Variants in ACY3 observed in about 807,000 individuals in gnomAD.
The protein encoded by ACY3 is N-acyl-aromatic-L-amino acid amidohydrolase (carboxylate-forming).
ACY3 carries 20 observed loss-of-function variants against 24.6 expected under a neutral mutation model. The ratio of observed to expected loss-of-function variants is 0.81; its 90% CI spans 0.57 to 1.18. ACY3 has a LOEUF of 1.18. Among genes scored for constraint, ACY3 ranks in the 50% most tolerant of loss-of-function variants. The pLI is 0.00. For missense variants in ACY3, 423 were observed against 426.8 expected, an observed-to-expected ratio of 0.99 and a Z score of 0.08; for synonymous variants, 174 against 188.4, an observed-to-expected ratio of 0.92 and a Z score of 0.62.
intron 3 of ACY3, among the ~76,000 whole-genome samples, 171 bp from the exon 4 acceptor site, chr11:67,646,058 T>C (rs562839449): frequency 6.6e-6 from 1 of 152,320 alleles, no homozygotes; most frequent in South Asian, 2.1e-4. Context: ...CTCTTGGCTC[T>C]GCACTTCCCG....
chr11:67,649,557 T>C (rs1251558970), intron 1 of ACY3, among the ~76,000 whole-genome samples: 1 of 144,508 alleles, frequency 6.9e-6, no homozygotes, highest in Non-Finnish European at 1.5e-5. Flanking sequence ...TGTGCATGCA[T>C]GTGTGCATCT....
intron 3 of ACY3, 65 bp from the exon 4 acceptor site, chr11:67,645,952 G>C: frequency 6.7e-7 from 1 of 1,490,440 alleles, no homozygotes; most frequent in Non-Finnish European, 9.0e-7. Flanking sequence ...TGGTTTAAGG[G>C]GAAAGGGGCA....
intron 3 of ACY3, 72 bp downstream of exon 3, chr11:67,646,736 G>A: frequency 7.0e-7 from 1 of 1,422,226 alleles, no homozygotes; most frequent in Non-Finnish European, 9.8e-7. Context: ...CCTGCTGGTG[G>A]CGGGAGGGAA....
intron 1 of ACY3, among the ~76,000 whole-genome samples, chr11:67,649,643 TGC>T (rs1437420505): frequency 1.5e-5 from 2 of 132,308 alleles, no homozygotes; most frequent in African/African-American, 8.5e-5. Context: ...CATGCGTGTG[TGC>T]GTGCGTGTGT....
intron 4 of ACY3, 59 bp downstream of exon 4, chr11:67,645,633 C>G: frequency 6.5e-7 from 1 of 1,530,704 alleles, no homozygotes; most frequent in Non-Finnish European, 8.8e-7. Context: ...CATTGTCCCG[C>G]CTGCCCTCCC....
In ACY3 at chr11:67,645,337, C is replaced by A; in HGVS notation, c.476G>T (p.Arg159Leu). 1 of 1,613,760 alleles carries A rather than the reference C, an allele frequency of 6.2e-7. No homozygotes were observed. Among genetic ancestry groups the A allele is most frequent in the Non-Finnish European group, 8.5e-7 (1 of 1,180,012 alleles). Residue 159 changes from arginine to leucine, a missense_variant, in exon 5 of 8, where the codon CGG becomes CTG. Transcript: ENST00000255082. ...CAGGTTGTAGCTCTCCTCCCCAGAC[C>A]GCTGGTACAGGAAGACCTGGCAGGA... Reference protein sequence around the residue: ...ELSCQVFLYQRSGEESYNLDS... With the variant: ...ELSCQVFLYQLSGEESYNLDS...
intron 1 of ACY3, among the ~76,000 whole-genome samples, chr11:67,648,814 G>A (rs545630960): frequency 3.3e-5 from 5 of 152,344 alleles, no homozygotes; most frequent in African/African-American, 1.2e-4. Flanking sequence ...TGTGGGGACA[G>A]GGGATTTGTC....
chr11:67,642,949 G>C lies in ACY3; in HGVS notation c.745-10C>G. The C allele has an allele frequency of 6.2e-7, 1 of 1,611,702 alleles. No homozygotes were observed. Reference sequence around the variant, plus strand: ...GCTGGAAGTCTCGGTCCTGGGAGGAGAGCCAAAGGCCAAGATTGCTGGGGC... The same window carrying C: ...GCTGGAAGTCTCGGTCCTGGGAGGACAGCCAAAGGCCAAGATTGCTGGGGC... On this transcript the variant is annotated splice_polypyrimidine_tract_variant and intron_variant, in intron 7 of 7. Transcript: ENST00000255082.
intron 7 of ACY3, among the ~76,000 whole-genome samples, chr11:67,643,926 C>A (rs1855456254): frequency 6.6e-6 from 1 of 152,080 alleles, no homozygotes; most frequent in South Asian, 2.1e-4. Flanking sequence ...ACCCAGGAGG[C>A]AGATGTCACA....
chr11:67,647,299 C>T (rs974418518), intron 2 of ACY3, among the ~76,000 whole-genome samples: 2 of 152,220 alleles, frequency 1.3e-5, no homozygotes, highest in Admixed American at 1.3e-4. Flanking sequence ...AGGGGCCCAA[C>T]TGTTCAGGAA....
intron 7 of ACY3, among the ~76,000 whole-genome samples, chr11:67,644,186 A>C (rs1032485462): frequency 9.9e-5 from 15 of 152,078 alleles, no homozygotes; most frequent in Admixed American, 5.9e-4. Flanking sequence ...TTCAGGGCAC[A>C]AAAGGCCACA....
chr11:67,644,877 G>A lies in ACY3; in HGVS notation c.635-8C>T, dbSNP rs374712507. On this transcript the variant is annotated splice_region_variant and splice_polypyrimidine_tract_variant and intron_variant, in intron 6 of 7. Coordinates refer to ENST00000255082, the MANE Select transcript of ACY3 (RefSeq NM_080658.2). ...AGGCAGGAAAGGCCGTACCTGTGTG[G>A]GAGGCTGGGTGTGTGAGCCCATCCC... 5 of 1,608,868 alleles carry A rather than the reference G, an allele frequency of 3.1e-6. No homozygotes were observed. Among genetic ancestry groups the A allele is most frequent in the Non-Finnish European group, 3.4e-6 (4 of 1,177,830 alleles).
intron 7 of ACY3, among the ~76,000 whole-genome samples, chr11:67,643,789 G>A (rs2134107310): frequency 6.6e-6 from 1 of 151,968 alleles, no homozygotes; most frequent in South Asian, 2.1e-4. Flanking sequence ...GAGGTCAGGA[G>A]TTCGAGACCA....
Position 67,642,803 on chromosome 11 carries a change from G to T in ACY3, c.881C>A (p.Ala294Asp), listed in dbSNP as rs980456062. The change falls in exon 8 of 8, where the codon GCC becomes GAC. Residue 294 changes from alanine to aspartate, a missense_variant. Transcript: ENST00000255082. The stretch of plus-strand genomic sequence containing the variant: ...TGTGAACTTCTCAGTCTGGACAAAG[G>T]CAACGCCCTTCTCATAGTAGGCAGC... Reference protein sequence around the residue: ...NEAAYYEKGVAFVQTEKFTFT... With the variant: ...NEAAYYEKGVDFVQTEKFTFT... The T allele has an allele frequency of 2.3e-5, 37 of 1,614,010 alleles. No individual in the cohort carries two copies. The highest frequency in any genetic ancestry group is 3.1e-5 in the Non-Finnish European group (36 of 1,180,046).
intron 5 of ACY3, 28 bp from the exon 6 acceptor site, chr11:67,645,180 C>A: frequency 6.2e-7 from 1 of 1,607,138 alleles, no homozygotes; most frequent in Non-Finnish European, 8.5e-7. Flanking sequence ...AGGGGTTAGG[C>A]AGGTGCAGGA....
chr11:67,644,749 C>CAT lies in ACY3; in HGVS notation c.744+10_744+11insAT. 6.5e-7 allele frequency: 1 copy of CAT among 1,549,022 alleles called. No homozygotes were observed. On this transcript the variant is annotated intron_variant, in intron 7 of 7. Coordinates refer to ENST00000255082, the MANE Select transcript of ACY3 (RefSeq NM_080658.2). ...ACCCCCCACCACACACACACACACA[C>CAT]ACACACACACCTGCAGCTGAGGATG...
intron 1 of ACY3, among the ~76,000 whole-genome samples, chr11:67,648,174 C>A (rs1002597812): frequency 2.0e-5 from 3 of 152,200 alleles, no homozygotes; most frequent in African/African-American, 7.2e-5. Context: ...AACCCTCAGG[C>A]TCATTTTATA....
chr11:67,643,726 C>T (rs913964237), intron 7 of ACY3, among the ~76,000 whole-genome samples: 4 of 151,074 alleles, frequency 2.6e-5, no homozygotes, highest in African/African-American at 9.7e-5. Context: ...GGCTCATAAT[C>T]TCAGTGGCCT....
chr11:67,650,334 G>A (rs759536567), intron 1 of ACY3, among the ~76,000 whole-genome samples: 1 of 152,116 alleles, frequency 6.6e-6, no homozygotes. Flanking sequence ...TATAAAACCT[G>A]CCCCAGCCCT....
Sources: gnomAD v4.1 joint callset for allele counts (sites outside exome capture counted in the v4.1 genomes callset) on GRCh38, gnomAD v4.1.1 for gene constraint, MANE v1.5 for transcripts, NCBI Gene and HGNC (gene_info 2026-07-23, HGNC 2026-07-21) for gene names.